The following CPSF6 variants were observed in gnomAD, a reference collection of about 807,000 sequenced individuals.
CPSF6 encodes the protein cleavage and polyadenylation specific factor 6.
CPSF6 carries 10 observed loss-of-function variants against 56.7 expected under a neutral mutation model. The observed-to-expected ratio is 0.18, with a 90% CI of 0.11 to 0.30. The LOEUF (loss-of-function observed/expected upper bound fraction) is 0.30, where lower values mean the gene tolerates loss of function less well. CPSF6 is among the 10% of genes least tolerant of loss of function. The pLI, the probability that CPSF6 is intolerant of heterozygous loss-of-function variation, is 1.00. For synonymous variants in CPSF6, 248 were observed against 244.8 expected (o/e 1.01, Z -0.12); for missense variants, 419 against 722.9 (o/e 0.58, Z 4.82).
At chr12:69,265,085 T>G (rs926630842) in intron 9 of CPSF6, among the ~76,000 whole-genome samples, 1 of 152,186 alleles carries the variant, frequency 6.6e-6, no homozygotes, top group Non-Finnish European at 1.5e-5. Flanking sequence ...CATCTTAATT[T>G]TTTTTTGTGT....
Position 69,251,240 on chromosome 12 carries a change from C to G in CPSF6, c.172C>G (p.Pro58Ala), listed in dbSNP as rs376470027. Residue 58 changes from proline to alanine, a missense_variant, in exon 2 of 10, where the codon CCA becomes GCA. This residue lies in a region of CPSF6 where 125 missense variants were observed against 216.4 expected (regional missense o/e 0.58). Transcript: ENST00000435070. The part of the protein sequence containing the change: ...EDRDYMDTLP[P>A]TVGDDVGKGA... ...CCGAGATTACATGGATACTCTCCCA[C>G]CAACTGTTGGTGATGATGTGGGTAA... is the stretch of plus-strand genomic sequence containing the variant. 3.5e-5 allele frequency: 56 copies of G among 1,612,928 alleles called. No individual in the cohort carries two copies. The highest frequency in any genetic ancestry group is 4.5e-5 in the Non-Finnish European group (53 of 1,179,842).
intron 7 of CPSF6, 98 bp downstream of exon 7, chr12:69,259,641 AGTT>A: frequency 2.0e-6 from 2 of 985,852 alleles, no homozygotes; most frequent in Non-Finnish European, 2.9e-6. Context: ...TACATGTAGT[AGTT>A]CTTTTTATAT....
At chr12:69,262,213 C>T in intron 8 of CPSF6, 160 bp from the exon 9 acceptor site, 1 of 435,406 alleles carries the variant, frequency 2.3e-6, no homozygotes, top group Non-Finnish European at 3.1e-6. Context: ...TCATGCTTAC[C>T]TGGTGAGTTG....
intron 8 of CPSF6, among the ~76,000 whole-genome samples, chr12:69,261,230 TTG>T (rs1431210858): frequency 3.3e-5 from 5 of 152,140 alleles, no homozygotes; most frequent in African/African-American, 4.8e-5. Flanking sequence ...GTAAGAATCT[TTG>T]TGTCTAAACA....
intron 1 of CPSF6, among the ~76,000 whole-genome samples, chr12:69,246,719 C>G (rs1871928966): frequency 6.6e-6 from 1 of 152,112 alleles, no homozygotes; most frequent in Non-Finnish European, 1.5e-5. Context: ...TGTAACTTCC[C>G]CCCTTCATAT....
Position 69,259,095 on chromosome 12 carries a change from G to GTAAGTTGGTGGAAGT in CPSF6, c.1199+7_1199+8insGGTGGAAGTTAAGTT, listed in dbSNP as rs1872635431. 1.3e-6 allele frequency: 2 copies of GTAAGTTGGTGGAAGT among 1,596,764 alleles called. No homozygotes were observed. The highest frequency in any genetic ancestry group is 1.7e-6 in the Non-Finnish European group (2 of 1,177,548). ...GGGGTGACTATGGCCCCCCTGGAAG[G>GTAAGTTGGTGGAAGT]TAAGTTAGTGTGTATCTGTGAAAGT... On this transcript the variant is annotated splice_donor_variant, in intron 6 of 9. Transcript: ENST00000435070. LOFTEE classifies it high-confidence loss of function.
At chr12:69,264,989 A>G (rs956921001) in intron 9 of CPSF6, among the ~76,000 whole-genome samples, 1 of 152,182 alleles carries the variant, frequency 6.6e-6, no homozygotes, top group East Asian at 1.9e-4. Context: ...GTAATCTATT[A>G]AAGTGATGAT....
chr12:69,267,957 A>T (rs1439231179), intron 9 of CPSF6, among the ~76,000 whole-genome samples: 2 of 151,768 alleles, frequency 1.3e-5, no homozygotes, highest in East Asian at 3.8e-4. Flanking sequence ...GGAAGAGTTG[A>T]ATATTTTTGT....
chr12:69,259,910 A>G (rs1872673813), intron 7 of CPSF6, 134 bp from the exon 8 acceptor site: 2 of 867,270 alleles, frequency 2.3e-6, no homozygotes, highest in African/African-American at 1.7e-5. Flanking sequence ...ACACTGAAAG[A>G]AGACATTGTC....
At position 69,251,209 on chromosome 12, in the gene CPSF6, A is replaced by G. The variant is rs751038470; in HGVS notation, c.141A>G (p.Pro47=). ...CATCTGCAAATAATGGAGATGCCCC[A>G]GAAGACCGAGATTACATGGATACTC... ...ISPSANNGDA[P]EDRDYMDTLP... Residue 47 remains proline (P), a synonymous_variant, in exon 2 of 10, where the codon CCA becomes CCG. Coordinates refer to ENST00000435070, the MANE Select transcript of CPSF6 (RefSeq NM_007007.3). 3 of 1,613,334 alleles carry G rather than the reference A, an allele frequency of 1.9e-6. No individual in the cohort carries two copies. In the South Asian group the frequency reaches 3.3e-5, roughly 18 times the overall value.
rs1418476057 is a variant in CPSF6 at position 69,273,578 on chromosome 12, A to G, written c.*4070A>G. On this transcript the variant is annotated 3_prime_UTR_variant, in exon 10 of 10. Transcript: ENST00000435070. Reference sequence around the variant, plus strand: ...AATTTCATAATTGGACAGACCCTGCATTTAGCGAAAACATTTTGTTTTGAA... The same window carrying G: ...AATTTCATAATTGGACAGACCCTGCGTTTAGCGAAAACATTTTGTTTTGAA... The G allele has an allele frequency of 6.6e-6, 1 of 152,116 alleles. No homozygotes were observed. The highest frequency in any genetic ancestry group is 6.5e-5 in the Admixed American group (1 of 15,268). 9.4% of individuals were successfully genotyped at this position (152,116 alleles called of 1,614,324 possible).
In CPSF6 at chr12:69,264,890, T is replaced by C. The variant is rs11177574; in HGVS notation, c.*3+2328T>C. Among the ~76,000 whole-genome samples, 22 of 152,292 alleles carry C rather than the reference T, an allele frequency of 1.4e-4. No individual in the cohort carries two copies. The East Asian group carries it at 4.2e-3, about 29-fold the overall frequency. ...AAATATGAGTCCTTTTGAGCTTTCA[T>C]GTAAATCTTAAATGGACCAAATGGA... On this transcript the variant is annotated intron_variant, in intron 9 of 9. Transcript: ENST00000435070.
intron 1 of CPSF6, among the ~76,000 whole-genome samples, chr12:69,243,502 C>T (rs1440951817): frequency 6.6e-6 from 1 of 152,156 alleles, no homozygotes; most frequent in Admixed American, 6.5e-5. Flanking sequence ...TATGGTGTAG[C>T]CTGTTGCTCC....
At chr12:69,257,674 T>G in intron 4 of CPSF6, 58 bp from the exon 5 acceptor site, 1 of 1,493,224 alleles carries the variant, frequency 6.7e-7, no homozygotes, top group Non-Finnish European at 9.1e-7. Context: ...TAATAGTGGT[T>G]ACATTTCAGA....
chr12:69,254,639 AGTG>A (rs911335327), intron 3 of CPSF6, among the ~76,000 whole-genome samples: 1 of 152,222 alleles, frequency 6.6e-6, no homozygotes, highest in Non-Finnish European at 1.5e-5. Flanking sequence ...GCGTATAAGA[AGTG>A]GTGCTTAATA....
chr12:69,239,792 G>A (rs1218896816), intron 1 of CPSF6, 86 bp downstream of exon 1: 6 of 1,338,376 alleles, frequency 4.5e-6, no homozygotes, highest in South Asian at 1.5e-5. Context: ...GCCGCGAGCC[G>A]AAGCGACTGC....
At chr12:69,266,049 A>G (rs1872967444) in intron 9 of CPSF6, among the ~76,000 whole-genome samples, 1 of 150,564 alleles carries the variant, frequency 6.6e-6, no homozygotes, top group Non-Finnish European at 1.5e-5. Flanking sequence ...AAAAGCCAAA[A>G]GAATAAAAAA....
At position 69,272,309 on chromosome 12, in the gene CPSF6, T is replaced by C. The variant is rs1427638848; in HGVS notation, c.*2801T>C. ...AGATAACTTGTAGCTTAAGATACTA[T>C]TTTCATTTAATTCTCCTGTGGAGAA... is the stretch of plus-strand genomic sequence containing the variant. On this transcript the variant is annotated 3_prime_UTR_variant, in exon 10 of 10. Coordinates refer to ENST00000435070, the MANE Select transcript of CPSF6 (RefSeq NM_007007.3). The C allele has an allele frequency of 1.3e-5, 2 of 151,734 alleles. No homozygotes were observed. The highest frequency in any genetic ancestry group is 3.0e-5 in the Non-Finnish European group (2 of 67,652). The allele number at this position is 151,734 out of a possible 1,614,324, so 9.4% of individuals were successfully genotyped here. A position where few individuals can be genotyped will look rare whatever the true frequency, so the allele number is the denominator to read the frequency against.
chr12:69,240,966 A>C (rs867120900), intron 1 of CPSF6, among the ~76,000 whole-genome samples: 1 of 152,198 alleles, frequency 6.6e-6, no homozygotes, highest in African/African-American at 2.4e-5. Flanking sequence ...CCAGGTCCCT[A>C]TGAGAAGTTT....
Sources: allele counts gnomAD v4.1 joint callset (sites outside exome capture counted in the v4.1 genomes callset), GRCh38; gene constraint gnomAD v4.1.1; regional missense constraint gnomAD v4.1.1; transcripts MANE v1.5; gene names NCBI Gene and HGNC (gene_info 2026-07-23, HGNC 2026-07-21).